The following ATXN1 variants were observed in gnomAD, a reference collection of about 807,000 sequenced individuals.
ATXN1 encodes ataxin 1.
ATXN1 carries 8 observed loss-of-function variants against 56.4 expected under a neutral mutation model. The observed-to-expected ratio is 0.14, with a 90% CI of 0.08 to 0.26. ATXN1 has a LOEUF of 0.26. Among genes scored for constraint, ATXN1 ranks in the 10% least tolerant of loss-of-function variants. The probability of loss-of-function intolerance (pLI) is 1.00; values close to 1 mark genes in which losing one functional copy is unlikely to be tolerated. For synonymous variants in ATXN1, 514 were observed against 494.6 expected, an observed-to-expected ratio of 1.04 and a Z score of -0.52; for missense variants, 987 against 1,106.5, an observed-to-expected ratio of 0.89 and a Z score of 1.53.
At chr6:16,663,068 G>C (rs1238790242) in intron 2 of ATXN1, among the ~76,000 whole-genome samples, 1 of 150,690 alleles carries the variant, frequency 6.6e-6, no homozygotes, top group East Asian at 2.0e-4. Flanking sequence ...TGCCTCCCGG[G>C]TTCAAGCGAT....
intron 6 of ATXN1, among the ~76,000 whole-genome samples, chr6:16,429,058 G>A (rs1420482819): frequency 2.0e-5 from 3 of 151,850 alleles, no homozygotes; most frequent in African/African-American, 7.3e-5. Flanking sequence ...AGGGTAGGGG[G>A]GTGGGAGGTC....
At chr6:16,686,019 T>C (rs1758910932) in intron 2 of ATXN1, among the ~76,000 whole-genome samples, 1 of 152,202 alleles carries the variant, frequency 6.6e-6, no homozygotes. Context: ...ATACCGAATA[T>C]TCTTAATGAA....
At chr6:16,647,474 A>G (rs1198727033) in intron 3 of ATXN1, among the ~76,000 whole-genome samples, 4 of 152,150 alleles carry the variant, frequency 2.6e-5, no homozygotes, top group African/African-American at 9.7e-5. Flanking sequence ...CATTATAACT[A>G]TTTATTGTGA....
At chr6:16,334,120 A>G (rs1043314958) in intron 6 of ATXN1, among the ~76,000 whole-genome samples, 2 of 152,242 alleles carry the variant, frequency 1.3e-5, no homozygotes, top group Non-Finnish European at 2.9e-5. Context: ...GTTCTATTCA[A>G]TACTAATACA....
intron 4 of ATXN1, among the ~76,000 whole-genome samples, chr6:16,526,282 T>C (rs1025362807): frequency 6.6e-6 from 1 of 152,078 alleles, no homozygotes; most frequent in Non-Finnish European, 1.5e-5. Flanking sequence ...GTCCCAAGTT[T>C]ATAAGAAGTG....
chr6:16,756,422 C>G (rs1401611029), intron 1 of ATXN1, among the ~76,000 whole-genome samples: 1 of 152,088 alleles, frequency 6.6e-6, no homozygotes, highest in African/African-American at 2.4e-5. Context: ...AAAGGAAGTT[C>G]TATATGTAAG....
At chr6:16,329,381 G>A (rs1042826283) in intron 6 of ATXN1, among the ~76,000 whole-genome samples, 2 of 151,916 alleles carry the variant, frequency 1.3e-5, no homozygotes, top group Non-Finnish European at 1.5e-5. Flanking sequence ...CTGGACCTAC[G>A]ATTTCCTCTC....
chr6:16,524,418 G>A (rs944835301), intron 4 of ATXN1, among the ~76,000 whole-genome samples: 15 of 152,238 alleles, frequency 9.9e-5, no homozygotes, highest in African/African-American at 2.2e-4. Context: ...CCACTCACAC[G>A]CATTGACCTT....
At chr6:16,752,107 C>T (rs376555763) in intron 2 of ATXN1, among the ~76,000 whole-genome samples, 37 of 152,242 alleles carry the variant, frequency 2.4e-4, no homozygotes, top group East Asian at 1.9e-3. Flanking sequence ...TTGGCTCTTA[C>T]GGTAAAGAGG....
chr6:16,420,066 G>C (rs1330732542), intron 6 of ATXN1, among the ~76,000 whole-genome samples: 2 of 152,222 alleles, frequency 1.3e-5, no homozygotes, highest in Non-Finnish European at 2.9e-5. Flanking sequence ...GTGCCTTAGA[G>C]AACATAGGCA....
intron 2 of ATXN1, among the ~76,000 whole-genome samples, chr6:16,714,222 CA>C (rs1446591038): frequency 1.2e-4 from 17 of 141,286 alleles, no homozygotes; most frequent in Non-Finnish European, 1.7e-4. Context: ...CACACACACA[CA>C]CACCAAAACC....
At chr6:16,496,345 A>AG (rs1185522982) in intron 5 of ATXN1, among the ~76,000 whole-genome samples, 1 of 152,244 alleles carries the variant, frequency 6.6e-6, no homozygotes, top group Non-Finnish European at 1.5e-5. Flanking sequence ...AACACCAAAG[A>AG]CAGGTATACT....
At chr6:16,512,873 C>T (rs1012941738) in intron 5 of ATXN1, among the ~76,000 whole-genome samples, 9 of 152,194 alleles carry the variant, frequency 5.9e-5, no homozygotes, top group African/African-American at 1.9e-4. Context: ...CAACAAGCAG[C>T]ACTTTCTAGG....
chr6:16,326,788 A>G lies in ATXN1; in HGVS notation c.1523T>C (p.Ile508Thr). 6.2e-7 allele frequency: 1 copy of G among 1,611,348 alleles called. No homozygotes were observed. Among genetic ancestry groups the G allele is most frequent in the South Asian group, 1.1e-5 (1 of 90,910 alleles). Reference protein sequence around the residue: ...DMEASGAAPAIVTSSPQFAAV... With the variant: ...DMEASGAAPATVTSSPQFAAV... ...AGCAAACTGGGGGGATGACGTGACT[A>G]TGGCCGGGGCTGCCCCCGACGCTTC... Residue 508 changes from isoleucine to threonine, a missense_variant, in exon 7 of 8, where the codon ATA becomes ACA. Transcript: ENST00000436367. This position sits in a 1 kb window ranked among gnomAD's most constrained non-coding sequence, Gnocchi z 6.6.
At chr6:16,755,492 A>G (rs1415013951) in intron 1 of ATXN1, among the ~76,000 whole-genome samples, 1 of 152,196 alleles carries the variant, frequency 6.6e-6, no homozygotes, top group Non-Finnish European at 1.5e-5. Context: ...GACGGCCTAA[A>G]CAAAACTGAG....
chr6:16,598,520 G>A (rs1223456737), intron 3 of ATXN1, among the ~76,000 whole-genome samples: 3 of 152,122 alleles, frequency 2.0e-5, no homozygotes, highest in Admixed American at 6.5e-5. Flanking sequence ...AAGTTCATCC[G>A]CTGTAAAAGG....
rs138290142 is a variant in ATXN1 at position 16,306,761 on chromosome 6, C to G, written c.2016G>C (p.Pro672=). The G allele has an allele frequency of 6.2e-7, 1 of 1,614,052 alleles. No homozygotes were observed. The highest frequency in any genetic ancestry group is 8.5e-7 in the Non-Finnish European group (1 of 1,179,968). ...PERTSQLFDL[P]CSKLSVGDVC... is the part of the protein sequence containing the mutation. The stretch of plus-strand genomic sequence containing the variant: ...CATCCCCAACTGAGAGTTTGGAACA[C>G]GGCAAATCAAAGAGCTGGCTGGTTC... Residue 672 remains proline (P), a synonymous_variant, in exon 8 of 8, where the codon CCG becomes CCC. Transcript: ENST00000436367. This position sits in a 1 kb window ranked among gnomAD's most constrained non-coding sequence, Gnocchi z 5.2.
intron 2 of ATXN1, among the ~76,000 whole-genome samples, chr6:16,731,454 CTTTTTT>C (rs71559655): frequency 6.1e-5 from 5 of 81,794 alleles, no homozygotes; most frequent in South Asian, 5.5e-4. Context: ...TTTTTCTTTT[CTTTTTT>C]TTTTTTTTTT....
At chr6:16,474,168 C>A (rs1156336082) in intron 6 of ATXN1, among the ~76,000 whole-genome samples, 2 of 152,250 alleles carry the variant, frequency 1.3e-5, no homozygotes, top group Non-Finnish European at 2.9e-5. Flanking sequence ...TACCTTTGAG[C>A]TTTGCTCATG....
Sources: allele counts gnomAD v4.1 joint callset (sites outside exome capture counted in the v4.1 genomes callset), GRCh38; gene constraint gnomAD v4.1.1; non-coding constraint Gnocchi (gnomAD v3.1); transcripts MANE v1.5; gene names NCBI Gene and HGNC (gene_info 2026-07-23, HGNC 2026-07-21).